The following DMD variants were observed in gnomAD, a reference collection of about 807,000 sequenced individuals.
The protein encoded by DMD is mutant dystrophin.
DMD carries 63 observed loss-of-function variants against 330.1 expected under a neutral mutation model. The observed-to-expected ratio is 0.19, with a 90% confidence interval of 0.16 to 0.24. The LOEUF (loss-of-function observed/expected upper bound fraction) is 0.24, where lower values mean the gene tolerates loss of function less well. DMD is among the 10% of genes least tolerant of loss of function. The pLI is 1.00. For synonymous variants in DMD, 1,223 were observed against 959.8 expected, an observed-to-expected ratio of 1.27 and a Z score of -5.07; for missense variants, 3,344 against 2,684.1, an observed-to-expected ratio of 1.25 and a Z score of -5.43.
At chrX:31,724,353 CA>C (rs2085837157) in intron 52 of DMD, among the ~76,000 whole-genome samples, 1 of 112,108 alleles carries the variant, frequency 8.9e-6, no homozygotes, top group Non-Finnish European at 1.9e-5. Flanking sequence ...GATGGGTTGA[CA>C]AAGCTGCTAT....
intron 7 of DMD, among the ~76,000 whole-genome samples, chrX:32,719,811 C>A (rs1458545886): frequency 9.1e-6 from 1 of 109,657 alleles, no homozygotes; most frequent in African/African-American, 3.3e-5. Context: ...CAGTTATTTC[C>A]CAGAATACCT....
At position 32,943,259 on chromosome X, in the gene DMD, T is replaced by C. The variant is rs778718105; in HGVS notation, c.93+76880A>G. Among the ~76,000 whole-genome samples the C allele has an allele frequency of 4.5e-5, 5 of 111,740 alleles. No individual in the cohort carries two copies. The East Asian group carries it at 1.4e-3, about 31-fold the overall frequency. On this transcript the variant is annotated intron_variant, in intron 2 of 78. Coordinates refer to ENST00000357033, the MANE Select transcript of DMD (RefSeq NM_004006.3). The stretch of plus-strand genomic sequence containing the variant: ...ATAATTTGATTAAAAATTGAAAACA[T>C]TGATTCAAACAAATTTATATTCATT...
At chrX:31,434,452 A>G (rs1432242850) in intron 60 of DMD, among the ~76,000 whole-genome samples, 1,524 of 104,617 alleles carry the variant, frequency 0.015, 19 homozygotes, top group African/African-American at 0.027. Flanking sequence ...ACACACACAC[A>G]CACACACACA....
intron 2 of DMD, among the ~76,000 whole-genome samples, chrX:33,010,187 T>C (rs1187812151): frequency 9.4e-6 from 1 of 106,771 alleles, no homozygotes; most frequent in Non-Finnish European, 1.9e-5. Context: ...TATATTTGTG[T>C]ATGTATATAT....
intron 48 of DMD, among the ~76,000 whole-genome samples, chrX:31,852,500 G>C (rs2093546602): frequency 9.0e-6 from 1 of 111,280 alleles, no homozygotes; most frequent in Admixed American, 9.6e-5. Context: ...TCTTGAGTCT[G>C]GTTATCTAGG....
chrX:31,123,115 G>A (rs1045880207), intron 78 of DMD, among the ~76,000 whole-genome samples: 5 of 111,641 alleles, frequency 4.5e-5, no homozygotes, highest in Non-Finnish European at 9.4e-5. Context: ...ACTAGGGAGA[G>A]TATTTTGTTT....
At chrX:32,381,469 G>A (rs774185936) in intron 33 of DMD, among the ~76,000 whole-genome samples, 1 of 111,164 alleles carries the variant, frequency 9.0e-6, no homozygotes, top group Non-Finnish European at 1.9e-5. Context: ...AAGATTTTCA[G>A]TTGGTTGGTT....
chrX:31,208,360 T>A (rs2044297114), intron 65 of DMD, among the ~76,000 whole-genome samples: 1 of 112,315 alleles, frequency 8.9e-6, no homozygotes, highest in Admixed American at 9.4e-5. Flanking sequence ...TTCAAGGAGT[T>A]AAAATTGTCA....
chrX:33,322,171 G>C (rs1430255662), intron 1 of DMD, among the ~76,000 whole-genome samples: 1 of 111,420 alleles, frequency 9.0e-6, no homozygotes, highest in Non-Finnish European at 1.9e-5. Context: ...TTGACTAACT[G>C]TCTGGTGCAA....
At chrX:32,537,682 G>A (rs978997707) in intron 17 of DMD, among the ~76,000 whole-genome samples, 1 of 111,361 alleles carries the variant, frequency 9.0e-6, no homozygotes, top group Non-Finnish European at 1.9e-5. Flanking sequence ...AGTCCGTAAG[G>A]GAATACAGAT....
At chrX:32,623,839 T>A (rs1251807532) in intron 11 of DMD, among the ~76,000 whole-genome samples, 2 of 112,173 alleles carry the variant, frequency 1.8e-5, no homozygotes, top group East Asian at 5.6e-4. Context: ...TGTTATTTTA[T>A]TTCTGAGGAT....
chrX:32,613,183 G>C (rs1028313615), intron 12 of DMD, among the ~76,000 whole-genome samples: 2 of 111,155 alleles, frequency 1.8e-5, no homozygotes, highest in Non-Finnish European at 1.9e-5. Flanking sequence ...CACACACTAA[G>C]AAAATTATTT....
chrX:31,830,115 A>C (rs5927875), intron 49 of DMD, among the ~76,000 whole-genome samples: 54,479 of 111,027 alleles, frequency 0.49, 9,795 homozygotes, highest in East Asian at 0.64. Flanking sequence ...AAGTATTCTG[A>C]CAGAATTTGC....
intron 61 of DMD, among the ~76,000 whole-genome samples, chrX:31,341,891 GCA>G (rs58867858): frequency 0.11 from 10,434 of 98,705 alleles, 514 homozygotes; most frequent in African/African-American, 0.17. Flanking sequence ...GTGCGCGCGC[GCA>G]CACACACACA....
chrX:32,835,767 G>C (rs923447134), intron 4 of DMD, among the ~76,000 whole-genome samples: 2 of 111,476 alleles, frequency 1.8e-5, no homozygotes, highest in African/African-American at 6.5e-5. Flanking sequence ...TTATGGCAGA[G>C]GGACAGGCTA....
chrX:31,216,304 C>T (rs956620826), intron 64 of DMD, among the ~76,000 whole-genome samples: 2 of 112,359 alleles, frequency 1.8e-5, no homozygotes, highest in Non-Finnish European at 3.8e-5. Flanking sequence ...TCTTTAATCT[C>T]TTTAGCATCT....
At position 32,484,963 on chromosome X, in the gene DMD, T is replaced by G; in HGVS notation, c.2759A>C (p.Gln920Pro). 1.7e-6 allele frequency: 2 copies of G among 1,211,631 alleles called. No individual in the cohort carries two copies. The highest frequency in any genetic ancestry group is 2.2e-6 in the Non-Finnish European group (2 of 895,440). Residue 920 changes from glutamine to proline, a missense_variant, in exon 21 of 79, where the codon CAA becomes CCA. Coordinates refer to ENST00000357033, the MANE Select transcript of DMD (RefSeq NM_004006.3). Reference sequence around the variant, plus strand: ...TCTGGCCTGCACATCAGAAAAGACTTGCTTAAAATGATTTGTAAAGGCCAC... The same window carrying G: ...TCTGGCCTGCACATCAGAAAAGACTGGCTTAAAATGATTTGTAAAGGCCAC... The part of the protein sequence containing the change: ...DFVAFTNHFK[Q>P]VFSDVQAREK...
At chrX:31,203,928 AT>A in intron 67 of DMD, 32 bp downstream of exon 67, 2 of 1,171,258 alleles carry the variant, frequency 1.7e-6, no homozygotes, top group African/African-American at 1.8e-5. Flanking sequence ...ATATGAAAGA[AT>A]AAATATGTTA....
intron 17 of DMD, among the ~76,000 whole-genome samples, chrX:32,531,469 C>A (rs898655808): frequency 8.9e-6 from 1 of 111,881 alleles, no homozygotes; most frequent in Non-Finnish European, 1.9e-5. Flanking sequence ...AAATGCCAAA[C>A]TTTCATTCAA....
Sources: allele counts gnomAD v4.1 joint callset (sites outside exome capture counted in the v4.1 genomes callset), GRCh38; gene constraint gnomAD v4.1.1; transcripts MANE v1.5; gene names NCBI Gene and HGNC (gene_info 2026-07-23, HGNC 2026-07-21).